LRP2: variants seen among roughly 807,000 people sequenced by gnomAD.
LRP2 encodes the protein LDL receptor related protein 2, also known as low-density lipoprotein receptor-related protein 2.
In LRP2, 172 loss-of-function variants were observed where a neutral mutation model predicts 531.0. The observed-to-expected ratio is 0.32, with a 90% confidence interval of 0.29 to 0.37. LRP2 has a LOEUF of 0.37. Ranked by LOEUF, LRP2 falls within the 10% of genes least tolerant of loss-of-function variation. LRP2 has a pLI of 1.00. For missense variants in LRP2, 5,167 were observed against 5,868.3 expected (o/e 0.88, Z 3.90); for synonymous variants, 1,992 against 2,027.6 (o/e 0.98, Z 0.47).
intron 10 of LRP2, 82 bp downstream of exon 10, chr2:169,282,791 T>C (rs1020330651): frequency 1.7e-4 from 254 of 1,463,432 alleles, no homozygotes; most frequent in Non-Finnish European, 2.3e-4. Flanking sequence ...ATGCTGATAA[T>C]TCTGTTGTCA....
rs535999183 is a variant in LRP2, at chr2:169,145,663, T to G, written c.12988+84A>C. ...AAGAGATTAGCTTGTTGTTATCTACTGCCATCTTCCAGCAATATAGCCATT... is the reference window on the plus strand; with the variant it reads ...AAGAGATTAGCTTGTTGTTATCTACGGCCATCTTCCAGCAATATAGCCATT... On this transcript the variant is annotated intron_variant, in intron 70 of 78. Coordinates refer to ENST00000649046, the MANE Select transcript of LRP2 (RefSeq NM_004525.3). The G allele has an allele frequency of 2.1e-5, 28 of 1,320,568 alleles. No homozygotes were observed. The East Asian group carries it at 6.0e-4, about 28-fold the overall frequency. 81.8% of individuals were successfully genotyped at this position (1,320,568 alleles called of 1,614,324 possible).
intron 1 of LRP2, among the ~76,000 whole-genome samples, chr2:169,347,821 T>TTGAATGAATGAA (rs113680574): frequency 4.6e-5 from 7 of 152,076 alleles, no homozygotes; most frequent in African/African-American, 1.7e-4. Flanking sequence ...GCAACATATA[T>TTGAATGAATGAA]TGAATGAATG....
chr2:169,156,440 G>C (rs749866106), intron 64 of LRP2, 35 bp from the exon 65 acceptor site: 1 of 1,612,264 alleles, frequency 6.2e-7, no homozygotes, highest in Non-Finnish European at 8.5e-7. Context: ...CGCAACATCT[G>C]TTCCCATCCA....
intron 16 of LRP2, among the ~76,000 whole-genome samples, chr2:169,266,060 G>A (rs1053720781): frequency 5.3e-5 from 8 of 151,922 alleles, no homozygotes; most frequent in Non-Finnish European, 1.2e-4. Context: ...GTCAAGAAAT[G>A]TCATCCTAGA....
intron 9 of LRP2, among the ~76,000 whole-genome samples, 199 bp from the exon 10 acceptor site, chr2:169,283,200 T>A (rs1683753552): frequency 6.6e-6 from 1 of 152,196 alleles, no homozygotes; most frequent in Non-Finnish European, 1.5e-5. Context: ...CATCATTTTT[T>A]AAACCTACAT....
chr2:169,212,315 C>G lies in LRP2; in HGVS notation c.6041-108G>C, dbSNP rs556685513. On this transcript the variant is annotated intron_variant, in intron 36 of 78. Coordinates refer to ENST00000649046, the MANE Select transcript of LRP2 (RefSeq NM_004525.3). ...AATAATTTATTCTAAAAATTAATAACCAACATATAGTAGCTGAGTTAGCAA... is the reference window on the plus strand; with the variant it reads ...AATAATTTATTCTAAAAATTAATAAGCAACATATAGTAGCTGAGTTAGCAA... The G allele has an allele frequency of 1.0e-4, 146 of 1,409,700 alleles. 1 individual carries two copies. In the African/African-American group the frequency reaches 1.7e-3, roughly 17 times the overall value. The allele number at this position is 1,409,700 out of a possible 1,614,324, so 87.3% of individuals were successfully genotyped here. A position where few individuals can be genotyped will look rare whatever the true frequency, so the allele number is the denominator to read the frequency against.
At position 169,191,860 on chromosome 2, in the gene LRP2, A is replaced by C; in HGVS notation, c.9004T>G (p.Tyr3002Asp). 1 of 1,614,136 alleles carries C rather than the reference A, an allele frequency of 6.2e-7. No individual in the cohort carries two copies. The highest frequency in any genetic ancestry group is 8.5e-7 in the Non-Finnish European group (1 of 1,180,012). Residue 3002 changes from tyrosine (Y) to aspartate (D), a missense_variant, in exon 48 of 79, where the codon TAC (tyrosine) becomes GAC (aspartate). Transcript: ENST00000649046. ...TCSENEFTCGYGLCIPKIFRC... is the reference protein window; with the variant it reads ...TCSENEFTCGDGLCIPKIFRC... The stretch of plus-strand genomic sequence containing the variant: ...AATATCTTTGGGATACACAGTCCGT[A>C]ACCACAGGTGAATTCATTTTCAGAG...
At chr2:169,136,242 G>T (rs1200937910) in intron 76 of LRP2, among the ~76,000 whole-genome samples, 2 of 151,938 alleles carry the variant, frequency 1.3e-5, no homozygotes, top group African/African-American at 4.8e-5. Context: ...TCCCACTCTA[G>T]GTTCCCACAC....
At chr2:169,170,818 ACTAGAC>A in intron 58 of LRP2, 151 bp from the exon 59 acceptor site, 1 of 687,266 alleles carries the variant, frequency 1.5e-6, no homozygotes, top group Admixed American at 2.2e-5. Flanking sequence ...ACCCTCCAAA[ACTAGAC>A]CTTTCACCTT....
intron 1 of LRP2, among the ~76,000 whole-genome samples, chr2:169,338,156 G>A (rs1355444239): frequency 1.3e-5 from 2 of 150,026 alleles, no homozygotes; most frequent in Non-Finnish European, 3.0e-5. Context: ...AGGAGGAAGA[G>A]AGGGAGTAGG....
At chr2:169,168,429 A>G (rs1339886898) in intron 61 of LRP2, 110 bp downstream of exon 61, 3 of 1,339,606 alleles carry the variant, frequency 2.2e-6, no homozygotes, top group Non-Finnish European at 3.2e-6. Context: ...TCCTGTGTCC[A>G]TTCCTAAACA....
rs1382288715 is a variant in LRP2, at chr2:169,254,221, T to C, written c.2770+1885A>G. Among the ~76,000 whole-genome samples the C allele has an allele frequency of 8.2e-5, 5 of 61,158 alleles. 1 individual carries two copies. The highest frequency in any genetic ancestry group is 4.5e-4 in the East Asian group (1 of 2,244). 40.1% of individuals were successfully genotyped at this position (61,158 alleles called of 152,430 possible). A position where few individuals can be genotyped will look rare whatever the true frequency, so the allele number is the denominator to read the frequency against. On this transcript the variant is annotated intron_variant, in intron 19 of 78. Coordinates refer to ENST00000649046, the MANE Select transcript of LRP2 (RefSeq NM_004525.3). ...ATGTTTATTGTGGCACTATTCACAA[T>C]AGCAAAGACTTGGAACCAACCCAAA...
intron 1 of LRP2, among the ~76,000 whole-genome samples, chr2:169,338,579 A>G (rs1685484909): frequency 6.6e-6 from 1 of 152,160 alleles, no homozygotes; most frequent in South Asian, 2.1e-4. Context: ...GTTTCAATAA[A>G]TTTGTCCACC....
At chr2:169,151,534 G>A (rs1010428655) in intron 67 of LRP2, among the ~76,000 whole-genome samples, 2 of 152,060 alleles carry the variant, frequency 1.3e-5, no homozygotes, top group African/African-American at 4.8e-5. Flanking sequence ...AAAGAGCCCC[G>A]TTAGAATCAA....
rs746199688 is a variant in LRP2, at chr2:169,201,609, G to A, written c.8452+19C>T. The stretch of plus-strand genomic sequence containing the variant: ...GACTTCAGACCCAAAATCACAATAA[G>A]CACTTAAGATAAACTTACGGCAATT... On this transcript the variant is annotated intron_variant, in intron 44 of 78. Transcript: ENST00000649046. 3 of 1,613,860 alleles carry A rather than the reference G, an allele frequency of 1.9e-6. No homozygotes were observed. The East Asian group carries it at 6.7e-5, about 36-fold the overall frequency.
intron 49 of LRP2, among the ~76,000 whole-genome samples, chr2:169,187,076 T>C (rs1418174752): frequency 6.6e-6 from 1 of 152,118 alleles, no homozygotes; most frequent in Non-Finnish European, 1.5e-5. Context: ...TTTTTCTTTT[T>C]TTTTCTTCAA....
At chr2:169,203,298 C>T (rs915021947) in intron 42 of LRP2, among the ~76,000 whole-genome samples, 6 of 152,310 alleles carry the variant, frequency 3.9e-5, no homozygotes, top group African/African-American at 9.6e-5. Context: ...TGATCCCACC[C>T]GCAAATATCA....
intron 1 of LRP2, among the ~76,000 whole-genome samples, chr2:169,350,532 T>C (rs1685818636): frequency 6.6e-6 from 1 of 151,952 alleles, no homozygotes. Context: ...GAGACCAGCC[T>C]GACCAGCATG....
chr2:169,245,048 G>A, intron 21 of LRP2, 116 bp from the exon 22 acceptor site: 1 of 1,109,640 alleles, frequency 9.0e-7, no homozygotes, highest in Non-Finnish European at 1.4e-6. Context: ...ATATAATAAG[G>A]AGAAATGTTC....
Sources: gnomAD v4.1 joint callset for allele counts (sites outside exome capture counted in the v4.1 genomes callset) on GRCh38, gnomAD v4.1.1 for gene constraint, MANE v1.5 for transcripts, NCBI Gene and HGNC (gene_info 2026-07-23, HGNC 2026-07-21) for gene names.